The following CYB5D1 variants were observed in gnomAD, a reference collection of about 807,000 sequenced individuals.
The protein encoded by CYB5D1 is cytochrome b5 domain containing 1.
A neutral mutation model predicts 24.3 loss-of-function variants in CYB5D1; 30 were observed. That is an observed-to-expected ratio of 1.23 (90% CI 0.92 to 1.67). The LOEUF is 1.67. Among genes scored for constraint, CYB5D1 ranks in the 40% most tolerant of loss-of-function variants. The probability of loss-of-function intolerance (pLI) is 0.00; values close to 1 mark genes in which losing one functional copy is unlikely to be tolerated. For synonymous variants in CYB5D1, 128 were observed against 123.2 expected, an observed-to-expected ratio of 1.04 and a Z score of -0.26; for missense variants, 265 against 296.7, an observed-to-expected ratio of 0.89 and a Z score of 0.79.
At position 7,858,524 on chromosome 17, in the gene CYB5D1, AGC is replaced by A. The variant is rs550465663; in HGVS notation, c.237+47_237+48del. 3.5e-5 allele frequency: 57 copies of A among 1,613,802 alleles called. No homozygotes were observed. In the African/African-American group the frequency reaches 6.8e-4, roughly 19 times the overall value. Reference sequence around the variant, plus strand: ...GGGATTGTGGGTAGAGGAAATGGAGAGCGGGGATGGGAAGGAAAGGCGGAGGC... The same window carrying A: ...GGGATTGTGGGTAGAGGAAATGGAGAGGGGATGGGAAGGAAAGGCGGAGGC... On this transcript the variant is annotated intron_variant, in intron 2 of 3. Coordinates refer to ENST00000332439, the MANE Select transcript of CYB5D1 (RefSeq NM_144607.6).
At position 7,859,909 on chromosome 17, in the gene CYB5D1, A is replaced by G. The variant is rs187006286; in HGVS notation, c.*297A>G. 97 of 392,974 alleles carry G rather than the reference A, an allele frequency of 2.5e-4. 1 individual carries two copies. Among genetic ancestry groups the G allele is most frequent in the African/African-American group, 1.6e-3 (81 of 49,408 alleles). The allele number at this position is 392,974 out of a possible 1,614,324, so 24.3% of individuals were successfully genotyped here. On this transcript the variant is annotated 3_prime_UTR_variant, in exon 4 of 4. Transcript: ENST00000332439. The stretch of plus-strand genomic sequence containing the variant: ...CAGGCAGAACTGTTTGATAGTTAAG[A>G]GAGAGTAGTTCTACAGGGGTGAGGG...
chr17:7,859,296 T>C, intron 3 of CYB5D1, 86 bp from the exon 4 acceptor site: 1 of 1,089,456 alleles, frequency 9.2e-7, no homozygotes, highest in Non-Finnish European at 1.4e-6. Flanking sequence ...AGCTGCTATC[T>C]GCCAAGGGAG....
At position 7,859,609 on chromosome 17, in the gene CYB5D1, G is replaced by C. The variant is rs1307714728; in HGVS notation, c.684G>C (p.Leu228Phe). The C allele has an allele frequency of 6.2e-7, 1 of 1,613,904 alleles. No individual in the cohort carries two copies. Among genetic ancestry groups the C allele is most frequent in the South Asian group, 1.1e-5 (1 of 91,068 alleles). ...ACTTCAATGATGATCTCACGGAGTT[G>C]TAGGCAAGGAGATGTACACTCGTGT... ...LLYFNDDLTE[L>F] Residue 228 changes from leucine to phenylalanine, a missense_variant, in exon 4 of 4, where the codon TTG (leucine) becomes TTC (phenylalanine). By Grantham distance (22) the Leu-to-Phe change is conservative. Coordinates refer to ENST00000332439, the MANE Select transcript of CYB5D1 (RefSeq NM_144607.6).
intron 3 of CYB5D1, chr17:7,859,035 A>G (rs776718773): frequency 1.8e-4 from 103 of 568,166 alleles, no homozygotes; most frequent in Admixed American, 3.1e-4. Context: ...AGACTCCTTT[A>G]TAAGCCTGGG....
In CYB5D1 at chr17:7,861,535, C is replaced by T. The variant is rs2078883203; in HGVS notation, c.*1923C>T. 1 of 152,218 alleles carries T rather than the reference C, an allele frequency of 6.6e-6. No individual in the cohort carries two copies. 9.4% of individuals were successfully genotyped at this position (152,218 alleles called of 1,614,324 possible). On this transcript the variant is annotated 3_prime_UTR_variant, in exon 4 of 4. Transcript: ENST00000332439. ...TCTAGTGCAAGCCTCAGGGCCTGTC[C>T]TGTGCCTACAGGATGTCCCCATTCT...
At position 7,861,537 on chromosome 17, in the gene CYB5D1, G is replaced by A. The variant is rs1324971218; in HGVS notation, c.*1925G>A. On this transcript the variant is annotated 3_prime_UTR_variant, in exon 4 of 4. Coordinates refer to ENST00000332439, the MANE Select transcript of CYB5D1 (RefSeq NM_144607.6). ...TAGTGCAAGCCTCAGGGCCTGTCCT[G>A]TGCCTACAGGATGTCCCCATTCTGC... 6.6e-6 allele frequency: 1 copy of A among 152,208 alleles called. No individual in the cohort carries two copies. Among genetic ancestry groups the A allele is most frequent in the Admixed American group, 6.5e-5 (1 of 15,274 alleles). 9.4% of individuals were successfully genotyped at this position (152,208 alleles called of 1,614,324 possible). A position where few individuals can be genotyped will look rare whatever the true frequency, so the allele number is the denominator to read the frequency against.
Position 7,858,647 on chromosome 17 carries a change from C to G in CYB5D1, c.279C>G (p.Tyr93Ter), listed in dbSNP as rs1368197546. 2.5e-6 allele frequency: 4 copies of G among 1,608,612 alleles called. No individual in the cohort carries two copies. Among genetic ancestry groups the G allele is most frequent in the Non-Finnish European group, 3.4e-6 (4 of 1,176,664 alleles). ...ATCCGCTGACCGGCTGCCTGAGGTA[C>G]TGCACCCCGCGGGGCCGCTTTGTGC... The part of the protein sequence containing the change: ...HIDPLTGCLR[Y>*]CTPRGRFVHV... The change falls in exon 3 of 4, where the codon TAC becomes TAG. Residue 93 changes from tyrosine to a stop codon, truncating the protein, a stop_gained. Coordinates refer to ENST00000332439, the MANE Select transcript of CYB5D1 (RefSeq NM_144607.6). LOFTEE classifies it high-confidence loss of function.
At chr17:7,859,280 A>T (rs1176841412) in intron 3 of CYB5D1, 102 bp from the exon 4 acceptor site, 4 of 883,068 alleles carry the variant, frequency 4.5e-6, no homozygotes, top group Non-Finnish European at 7.1e-6. Context: ...GCCGTAGAGT[A>T]CCTGAAGCTG....
intron 1 of CYB5D1, 37 bp from the exon 2 acceptor site, chr17:7,858,366 G>T (rs2078851096): frequency 6.2e-7 from 1 of 1,614,082 alleles, no homozygotes; most frequent in East Asian, 2.2e-5. Context: ...GTTCTCGAAG[G>T]GCTGGCATTG....
chr17:7,860,783 A>T lies in CYB5D1; in HGVS notation c.*1171A>T, dbSNP rs1198078818. 1.3e-5 allele frequency: 2 copies of T among 152,276 alleles called. No individual in the cohort carries two copies. Among genetic ancestry groups the T allele is most frequent in the Admixed American group, 1.3e-4 (2 of 15,292 alleles). 9.4% of individuals were successfully genotyped at this position (152,276 alleles called of 1,614,324 possible). A position where few individuals can be genotyped will look rare whatever the true frequency, so the allele number is the denominator to read the frequency against. The stretch of plus-strand genomic sequence containing the variant: ...GAGGAGGCAAGGAAGGCTAAGTGTC[A>T]GTTAAGCAATAGCTATTGGGGCTAC... On this transcript the variant is annotated 3_prime_UTR_variant, in exon 4 of 4. Transcript: ENST00000332439.
chr17:7,858,949 G>A (rs2078860315), intron 3 of CYB5D1, 125 bp downstream of exon 3: 1 of 890,180 alleles, frequency 1.1e-6, no homozygotes, highest in Middle Eastern at 2.9e-4. Flanking sequence ...TTTACATTGA[G>A]GCAACTGAGG....
rs1357325233 is a variant in CYB5D1 at position 7,861,495 on chromosome 17, A to G, written c.*1883A>G. ...TAAACCCTGAACTATTTGAGAATGA[A>G]AGCTATGCTGTTCCTCTAGTGCAAG... On this transcript the variant is annotated 3_prime_UTR_variant, in exon 4 of 4. Coordinates refer to ENST00000332439, the MANE Select transcript of CYB5D1 (RefSeq NM_144607.6). 1 of 152,128 alleles carries G rather than the reference A, an allele frequency of 6.6e-6. No individual in the cohort carries two copies. The highest frequency in any genetic ancestry group is 2.4e-5 in the African/African-American group (1 of 41,420). The allele number at this position is 152,128 out of a possible 1,614,324, so 9.4% of individuals were successfully genotyped here.
rs1291491386 is a variant in CYB5D1, at chr17:7,858,147, G to C, written c.13G>C (p.Gly5Arg). The C allele has an allele frequency of 1.6e-5, 26 of 1,613,416 alleles. No individual in the cohort carries two copies. Among genetic ancestry groups the C allele is most frequent in the Admixed American group, 5.0e-5 (3 of 59,998 alleles). Reference sequence around the variant, plus strand: ...CAGAGCAAGAGCCATGCCGCGCCGGGGCCTGGTGGCTGGGCCAGACTTGGA... The same window carrying C: ...CAGAGCAAGAGCCATGCCGCGCCGGCGCCTGGTGGCTGGGCCAGACTTGGA... MPRR[G>R]LVAGPDLEYF... Residue 5 changes from glycine (G) to arginine (R), a missense_variant, in exon 1 of 4, where the codon GGC becomes CGC. By Grantham distance (125) the Gly-to-Arg change is moderately radical (BLOSUM62 -2). Coordinates refer to ENST00000332439, the MANE Select transcript of CYB5D1 (RefSeq NM_144607.6).
rs1376039614 is a variant in CYB5D1 at position 7,861,920 on chromosome 17, T to C, written c.*2308T>C. On this transcript the variant is annotated 3_prime_UTR_variant, in exon 4 of 4. Coordinates refer to ENST00000332439, the MANE Select transcript of CYB5D1 (RefSeq NM_144607.6). ...GCTCATCTCGCAACACCCCTCTTTGTTCTCTATGGCCTAGACACACTGGCT... is the reference window on the plus strand; with the variant it reads ...GCTCATCTCGCAACACCCCTCTTTGCTCTCTATGGCCTAGACACACTGGCT... 1 of 152,270 alleles carries C rather than the reference T, an allele frequency of 6.6e-6. No homozygotes were observed. Among genetic ancestry groups the C allele is most frequent in the East Asian group, 1.9e-4 (1 of 5,204 alleles). The allele number at this position is 152,270 out of a possible 1,614,324, so 9.4% of individuals were successfully genotyped here.
In CYB5D1 at chr17:7,859,791, G is replaced by C. The variant is rs979692808; in HGVS notation, c.*179G>C. The C allele has an allele frequency of 1.7e-6, 1 of 599,584 alleles. No individual in the cohort carries two copies. The highest frequency in any genetic ancestry group is 1.9e-5 in the African/African-American group (1 of 53,900). 37.1% of individuals were successfully genotyped at this position (599,584 alleles called of 1,614,324 possible). A position where few individuals can be genotyped will look rare whatever the true frequency, so the allele number is the denominator to read the frequency against. On this transcript the variant is annotated 3_prime_UTR_variant, in exon 4 of 4. Transcript: ENST00000332439. ...CTATTCCCTGCCTTCATTACAGTTT[G>C]CTCTGAGAAAATTAGTGAATTAATC...
chr17:7,858,484 G>C lies in CYB5D1; in HGVS notation c.237+5G>C. 6.2e-7 allele frequency: 1 copy of C among 1,614,218 alleles called. No individual in the cohort carries two copies. On this transcript the variant is annotated splice_donor_5th_base_variant and intron_variant, in intron 2 of 3. Transcript: ENST00000332439. The stretch of plus-strand genomic sequence containing the variant: ...TTTGATCCAAAGACCAGAGACGTGA[G>C]TTATGCTGGAACCTGGGATTGTGGG...
intron 2 of CYB5D1, 50 bp downstream of exon 2, chr17:7,858,529 G>T: frequency 6.2e-7 from 1 of 1,613,796 alleles, no homozygotes; most frequent in Non-Finnish European, 8.5e-7. Context: ...TGGAGAGCGG[G>T]GATGGGAAGG....
At chr17:7,858,324 A>G in intron 1 of CYB5D1, 30 bp downstream of exon 1, 1 of 1,611,902 alleles carries the variant, frequency 6.2e-7, no homozygotes, top group Non-Finnish European at 8.5e-7. Flanking sequence ...CCGGGGCCGG[A>G]GTGTGTGTGT....
In CYB5D1 at chr17:7,859,649, T is replaced by C. The variant is rs757572263; in HGVS notation, c.*37T>C. 1 of 1,601,792 alleles carries C rather than the reference T, an allele frequency of 6.2e-7. No individual in the cohort carries two copies. Among genetic ancestry groups the C allele is most frequent in the African/African-American group, 1.3e-5 (1 of 74,550 alleles). On this transcript the variant is annotated 3_prime_UTR_variant, in exon 4 of 4. Transcript: ENST00000332439. ...TACACTCGTGTAGACTCAAGACGTA[T>C]TTCGAGTTTGGCTTTTTCTGTGCCT...
Sources: gnomAD v4.1 joint callset for allele counts on GRCh38, gnomAD v4.1.1 for gene constraint, MANE v1.5 for transcripts, NCBI Gene and HGNC (gene_info 2026-07-23, HGNC 2026-07-21) for gene names.